The following FRRS1L variants were observed in gnomAD, a reference collection of about 807,000 sequenced individuals.
FRRS1L encodes ferric chelate reductase 1 like.
FRRS1L carries 22 observed loss-of-function variants against 28.6 expected under a neutral mutation model. That is an observed-to-expected ratio of 0.77 (90% CI 0.55 to 1.10). The LOEUF (loss-of-function observed/expected upper bound fraction) is 1.10, where lower values mean the gene tolerates loss of function less well. Ranked by LOEUF, FRRS1L falls within the 50% of genes least tolerant of loss-of-function variation. FRRS1L has a pLI of 0.00. For synonymous variants in FRRS1L, 158 were observed against 151.4 expected (o/e 1.04, Z -0.32); for missense variants, 380 against 386.9 (o/e 0.98, Z 0.15).
intron 1 of FRRS1L, among the ~76,000 whole-genome samples, chr9:109,162,410 T>C (rs1831490654): frequency 6.6e-6 from 1 of 152,244 alleles, no homozygotes; most frequent in African/African-American, 2.4e-5. Flanking sequence ...GGACACCTTC[T>C]ACCACTTTAT....
rs953977186 is a variant in FRRS1L, at chr9:109,133,956, T to A, written c.*3499A>T. On this transcript the variant is annotated 3_prime_UTR_variant, in exon 5 of 5. Coordinates refer to ENST00000561981, the MANE Select transcript of FRRS1L (RefSeq NM_014334.4). ...ATCGACTGCTAGTTCTCTGAGATAATGGTCAAAGGCCATTCTGTATCACTG... is the reference window on the plus strand; with the variant it reads ...ATCGACTGCTAGTTCTCTGAGATAAAGGTCAAAGGCCATTCTGTATCACTG... 1 of 152,218 alleles carries A rather than the reference T, an allele frequency of 6.6e-6. No individual in the cohort carries two copies. The highest frequency in any genetic ancestry group is 6.5e-5 in the Admixed American group (1 of 15,278). The allele number at this position is 152,218 out of a possible 1,614,324, so 9.4% of individuals were successfully genotyped here.
intron 3 of FRRS1L, among the ~76,000 whole-genome samples, chr9:109,142,819 T>G (rs76374369): frequency 7.4e-6 from 1 of 135,344 alleles, no homozygotes; most frequent in Non-Finnish European, 1.6e-5. Context: ...AAAATAAAAA[T>G]AAAAAAAAAA....
At chr9:109,151,096 T>C (rs1175912186) in intron 1 of FRRS1L, 1 of 152,252 alleles carries the variant, frequency 6.6e-6, no homozygotes, top group Non-Finnish European at 1.5e-5. Flanking sequence ...GGCACACTTC[T>C]GTGCACTCTG....
Position 109,137,525 on chromosome 9 carries a change from G to C in FRRS1L, c.812C>G (p.Thr271Ser), listed in dbSNP as rs772724279. 2 of 1,613,440 alleles carry C rather than the reference G, an allele frequency of 1.2e-6. No homozygotes were observed. The highest frequency in any genetic ancestry group is 2.2e-5 in the South Asian group (2 of 90,994). ...AAGCAAACAAAATGGAGATGAGAAG[G>C]TTTGATAGGCAGCTGATGGCATAAA... ...DIFMPSAAYQ[T>S]FSSPFCLLLI... Residue 271 changes from threonine (T) to serine (S), a missense_variant, in exon 5 of 5, where the codon ACC becomes AGC. Coordinates refer to ENST00000561981, the MANE Select transcript of FRRS1L (RefSeq NM_014334.4).
At position 109,142,503 on chromosome 9, in the gene FRRS1L, C is replaced by CA. The variant is rs554013793; in HGVS notation, c.463-915dup. 3.1e-3 allele frequency among the ~76,000 whole-genome samples: 462 copies of CA among 151,096 alleles called. 1 individual carries two copies. The highest frequency in any genetic ancestry group is 0.013 in the South Asian group (64 of 4,756). ...CGGATGACAGAGTGAGACCCTTTCT[C>CA]AAAAAAATAAAATAAAATGGTCAAT... On this transcript the variant is annotated intron_variant, in intron 3 of 4. Transcript: ENST00000561981.
intron 1 of FRRS1L, among the ~76,000 whole-genome samples, chr9:109,155,113 A>G (rs1831387746): frequency 6.6e-6 from 1 of 152,238 alleles, no homozygotes; most frequent in African/African-American, 2.4e-5. Flanking sequence ...GCTCCACTGC[A>G]TTAGCCTGTT....
chr9:109,146,305 G>A (rs1367438614), intron 3 of FRRS1L, among the ~76,000 whole-genome samples: 1 of 152,218 alleles, frequency 6.6e-6, no homozygotes, highest in African/African-American at 2.4e-5. Flanking sequence ...AACAGAAGAG[G>A]GTGGTGGCAC....
intron 3 of FRRS1L, among the ~76,000 whole-genome samples, chr9:109,146,505 G>T (rs1315069912): frequency 6.6e-6 from 1 of 152,288 alleles, no homozygotes; most frequent in African/African-American, 2.4e-5. Flanking sequence ...AATGCTTGGG[G>T]TGTGGGGGAA....
intron 1 of FRRS1L, among the ~76,000 whole-genome samples, chr9:109,162,347 T>A (rs900716461): frequency 3.3e-5 from 5 of 152,032 alleles, no homozygotes; most frequent in African/African-American, 1.2e-4. Flanking sequence ...ATTCTACCTG[T>A]CCAATCCATT....
intron 1 of FRRS1L, among the ~76,000 whole-genome samples, chr9:109,155,540 C>T (rs1831393062): frequency 6.6e-6 from 1 of 151,814 alleles, no homozygotes; most frequent in African/African-American, 2.4e-5. Context: ...ATGGTGAAAC[C>T]CTGTTTCTAC....
intron 1 of FRRS1L, among the ~76,000 whole-genome samples, chr9:109,162,531 C>T (rs1369958452): frequency 6.6e-6 from 1 of 152,132 alleles, no homozygotes; most frequent in Non-Finnish European, 1.5e-5. Flanking sequence ...TCTACAGTAG[C>T]AATAATAGTA....
chr9:109,145,675 T>C lies in FRRS1L; in HGVS notation c.462+1376A>G, dbSNP rs1276785630. ...GTTGCAGTGAGCCGACATCATGCCA[T>C]TGCACTCCAGCCTGGGCAACAGAGC... On this transcript the variant is annotated intron_variant, in intron 3 of 4. Coordinates refer to ENST00000561981, the MANE Select transcript of FRRS1L (RefSeq NM_014334.4). 5.3e-5 allele frequency among the ~76,000 whole-genome samples: 8 copies of C among 151,952 alleles called. 1 individual carries two copies. In the South Asian group the frequency reaches 6.2e-4, roughly 12 times the overall value.
chr9:109,136,246 A>T lies in FRRS1L; in HGVS notation c.*1209T>A, dbSNP rs926520403. On this transcript the variant is annotated 3_prime_UTR_variant, in exon 5 of 5. Coordinates refer to ENST00000561981, the MANE Select transcript of FRRS1L (RefSeq NM_014334.4). ...GAAAATTCATCGCAAAAAAAAAAAA[A>T]AATACATTTTTAATCACACTTAAGG... The T allele has an allele frequency of 9.2e-5, 14 of 152,058 alleles. No homozygotes were observed. Among genetic ancestry groups the T allele is most frequent in the African/African-American group, 2.9e-4 (12 of 41,390 alleles). 9.4% of individuals were successfully genotyped at this position (152,058 alleles called of 1,614,324 possible).
rs552413300 is a variant in FRRS1L at position 109,140,816 on chromosome 9, C to A, written c.709+527G>T. Reference sequence around the variant, plus strand: ...CCTCCCAAAGTGCTGGGATTACAGGCATGAGCCACCACGTCTGGCCCCCGT... The same window carrying A: ...CCTCCCAAAGTGCTGGGATTACAGGAATGAGCCACCACGTCTGGCCCCCGT... On this transcript the variant is annotated intron_variant, in intron 4 of 4. Coordinates refer to ENST00000561981, the MANE Select transcript of FRRS1L (RefSeq NM_014334.4). 5 of 154,734 alleles carry A rather than the reference C, an allele frequency of 3.2e-5. No individual in the cohort carries two copies. The South Asian group carries it at 1.0e-3, about 31-fold the overall frequency. 9.6% of individuals were successfully genotyped at this position (154,734 alleles called of 1,614,324 possible).
At chr9:109,138,474 G>A (rs1242214931) in intron 4 of FRRS1L, 1 of 152,142 alleles carries the variant, frequency 6.6e-6, no homozygotes, top group Non-Finnish European at 1.5e-5. Flanking sequence ...CAGAGTGAGG[G>A]TTTTTAAGGT....
At chr9:109,157,824 C>T (rs532409754) in intron 1 of FRRS1L, among the ~76,000 whole-genome samples, 1 of 152,234 alleles carries the variant, frequency 6.6e-6, no homozygotes, top group Admixed American at 6.5e-5. Context: ...ATAATTTGCT[C>T]CTTATGTTTT....
rs1244104264 is a variant in FRRS1L, at chr9:109,136,538, T to A, written c.*917A>T. On this transcript the variant is annotated 3_prime_UTR_variant, in exon 5 of 5. Transcript: ENST00000561981. ...TATTATTTATTTAGTTAGTTATTTT[T>A]GAGACAGAGTCTGGCTCTGTCACCT... is the stretch of plus-strand genomic sequence containing the variant. The A allele has an allele frequency of 6.6e-6, 1 of 152,174 alleles. No homozygotes were observed. Among genetic ancestry groups the A allele is most frequent in the Non-Finnish European group, 1.5e-5 (1 of 68,038 alleles). The allele number at this position is 152,174 out of a possible 1,614,324, so 9.4% of individuals were successfully genotyped here.
In FRRS1L at chr9:109,155,703, CA is replaced by C. The variant is rs539557102; in HGVS notation, c.239-5984del. Among the ~76,000 whole-genome samples the C allele has an allele frequency of 9.9e-3, 800 of 81,020 alleles. 5 individuals carry two copies. Among genetic ancestry groups the C allele is most frequent in the South Asian group, 0.072 (164 of 2,278 alleles). The allele number at this position is 81,020 out of a possible 152,430, so 53.2% of individuals were successfully genotyped here. A position where few individuals can be genotyped will look rare whatever the true frequency, so the allele number is the denominator to read the frequency against. On this transcript the variant is annotated intron_variant, in intron 1 of 4. Transcript: ENST00000561981. ...TGGGCGACAGAGCAAGACTCCATCTCAAAAAAAAAAAAAAAAAGTCCAGGAT... is the reference window on the plus strand; with the variant it reads ...TGGGCGACAGAGCAAGACTCCATCTCAAAAAAAAAAAAAAAAGTCCAGGAT...
At chr9:109,149,582 T>C (rs756857879) in intron 2 of FRRS1L, 54 bp downstream of exon 2, 23 of 1,192,038 alleles carry the variant, frequency 1.9e-5, no homozygotes, top group African/African-American at 3.0e-5. Context: ...AATACTACCC[T>C]GAGAAGTAAA....
Sources: gnomAD v4.1 joint callset for allele counts (sites outside exome capture counted in the v4.1 genomes callset) on GRCh38, gnomAD v4.1.1 for gene constraint, MANE v1.5 for transcripts, NCBI Gene and HGNC (gene_info 2026-07-23, HGNC 2026-07-21) for gene names.